The following DTNA variants were observed in gnomAD, a reference collection of about 807,000 sequenced individuals.
DTNA encodes dystrophin-related protein 3.
A neutral mutation model predicts 100.7 loss-of-function variants in DTNA; 43 were observed. That is an observed-to-expected ratio of 0.43 (90% CI 0.33 to 0.55). The LOEUF (loss-of-function observed/expected upper bound fraction) is 0.55, where lower values mean the gene tolerates loss of function less well. Ranked by LOEUF, DTNA falls within the 20% of genes least tolerant of loss-of-function variation. The pLI, the probability that DTNA is intolerant of heterozygous loss-of-function variation, is 0.04. For synonymous variants in DTNA, 349 were observed against 347.9 expected, an observed-to-expected ratio of 1.00 and a Z score of -0.04; for missense variants, 798 against 953.9, an observed-to-expected ratio of 0.84 and a Z score of 2.15.
chr18:34,879,656 T>G lies in DTNA; in HGVS notation c.2099T>G (p.Ile700Ser). The change falls in exon 20 of 23, where the codon ATC (isoleucine) becomes AGC (serine). Residue 700 changes from isoleucine to serine, a missense_variant. By Grantham distance (142) the Ile-to-Ser change is moderately radical (BLOSUM62 -2). Coordinates refer to ENST00000444659, the MANE Select transcript of DTNA (RefSeq NM_001386795.1). Reference protein sequence around the residue: ...PTSEKAFLAQIHARKPGYIHS... With the variant: ...PTSEKAFLAQSHARKPGYIHS... ...TCTGAAAAGGCTTTTCTAGCGCAAA[T>G]CCATGCCCGAAAACCTGGGTACATT... The G allele has an allele frequency of 6.2e-7, 1 of 1,614,078 alleles. No homozygotes were observed. The highest frequency in any genetic ancestry group is 1.1e-5 in the South Asian group (1 of 91,072).
chr18:34,726,212 A>G (rs1237925942), intron 1 of DTNA, among the ~76,000 whole-genome samples: 6 of 152,128 alleles, frequency 3.9e-5, no homozygotes, highest in African/African-American at 1.4e-4. Flanking sequence ...AAACCTGCAC[A>G]TTGTGCACAT....
At chr18:34,849,080 T>G (rs1168524003) in intron 14 of DTNA, among the ~76,000 whole-genome samples, 2 of 152,200 alleles carry the variant, frequency 1.3e-5, no homozygotes, top group Non-Finnish European at 2.9e-5. Flanking sequence ...TCCGTGACTG[T>G]AACACTGTTA....
chr18:34,878,340 G>C (rs2096839455), intron 19 of DTNA, among the ~76,000 whole-genome samples: 1 of 152,056 alleles, frequency 6.6e-6, no homozygotes, highest in Non-Finnish European at 1.5e-5. Context: ...TAGAAAGTTT[G>C]AAAAAGGCAG....
At chr18:34,739,200 C>T (rs2090182756) in intron 1 of DTNA, among the ~76,000 whole-genome samples, 1 of 152,126 alleles carries the variant, frequency 6.6e-6, no homozygotes, top group African/African-American at 2.4e-5. Context: ...TAAAAATAAA[C>T]ACATTTGTCC....
intron 9 of DTNA, among the ~76,000 whole-genome samples, chr18:34,823,000 C>T (rs548264595): frequency 8.9e-4 from 136 of 152,224 alleles, no homozygotes; most frequent in African/African-American, 3.0e-3. Context: ...AAATAACATA[C>T]AAGACATTCT....
At chr18:34,623,449 G>T (rs895816098) in intron 1 of DTNA, among the ~76,000 whole-genome samples, 1 of 152,094 alleles carries the variant, frequency 6.6e-6, no homozygotes, top group Non-Finnish European at 1.5e-5. Flanking sequence ...TTCTTTTCTT[G>T]TTTGTACAAA....
chr18:34,846,040 C>T (rs541278992), intron 13 of DTNA, among the ~76,000 whole-genome samples: 3 of 152,190 alleles, frequency 2.0e-5, no homozygotes, highest in East Asian at 1.9e-4. Flanking sequence ...TTTCATTTCA[C>T]GTATTTGTGT....
chr18:34,888,341 G>A lies in DTNA; in HGVS notation c.*607G>A, dbSNP rs2096940708. The A allele has an allele frequency of 2.6e-5, 26 of 985,636 alleles. No homozygotes were observed. In the South Asian group the frequency reaches 9.9e-4, roughly 37 times the overall value. The allele number at this position is 985,636 out of a possible 1,614,324, so 61.1% of individuals were successfully genotyped here. A position where few individuals can be genotyped will look rare whatever the true frequency, so the allele number is the denominator to read the frequency against. On this transcript the variant is annotated 3_prime_UTR_variant, in exon 23 of 23. Coordinates refer to ENST00000444659, the MANE Select transcript of DTNA (RefSeq NM_001386795.1). ...ACCCTGAAGAATTTGGTTCCTGAGTGTACAAACTCAGAGCCCGGAAGCCAA... is the reference window on the plus strand; with the variant it reads ...ACCCTGAAGAATTTGGTTCCTGAGTATACAAACTCAGAGCCCGGAAGCCAA...
chr18:34,540,546 C>A (rs1318664497), intron 1 of DTNA, among the ~76,000 whole-genome samples: 1 of 151,942 alleles, frequency 6.6e-6, no homozygotes, highest in Non-Finnish European at 1.5e-5. Context: ...TTATTAACAT[C>A]TCTTCAACGT....
At position 34,888,387 on chromosome 18, in the gene DTNA, G is replaced by T. The variant is rs1226081409; in HGVS notation, c.*653G>T. ...GCCAAGAAGGGTCCTTGGCCTGCACGGTCTGTAGTTGACTCCAAGTCTCTG... is the reference window on the plus strand; with the variant it reads ...GCCAAGAAGGGTCCTTGGCCTGCACTGTCTGTAGTTGACTCCAAGTCTCTG... On this transcript the variant is annotated 3_prime_UTR_variant, in exon 23 of 23. Coordinates refer to ENST00000444659, the MANE Select transcript of DTNA (RefSeq NM_001386795.1). The T allele has an allele frequency of 1.0e-6, 1 of 985,580 alleles. No individual in the cohort carries two copies. The highest frequency in any genetic ancestry group is 1.2e-6 in the Non-Finnish European group (1 of 829,924). 61.1% of individuals were successfully genotyped at this position (985,580 alleles called of 1,614,324 possible).
chr18:34,656,846 C>T (rs558118107), intron 1 of DTNA, among the ~76,000 whole-genome samples: 3 of 151,986 alleles, frequency 2.0e-5, no homozygotes, highest in Non-Finnish European at 4.4e-5. Context: ...GTCTATTTTA[C>T]GTAATCTTTT....
intron 1 of DTNA, among the ~76,000 whole-genome samples, chr18:34,501,681 C>T (rs192995763): frequency 1.5e-3 from 221 of 152,190 alleles, no homozygotes; most frequent in African/African-American, 5.0e-3. Context: ...ACATAAAATA[C>T]CACAGACTGG....
intron 3 of DTNA, among the ~76,000 whole-genome samples, chr18:34,786,333 T>C (rs2094506444): frequency 6.6e-6 from 1 of 152,206 alleles, no homozygotes; most frequent in Admixed American, 6.5e-5. Flanking sequence ...TGTAAACTAA[T>C]CAGAAATACT....
At position 34,863,967 on chromosome 18, in the gene DTNA, C is replaced by A. The variant is rs1183043369; in HGVS notation, c.1648C>A (p.Gln550Lys). The change falls in exon 17 of 23, where the codon CAG becomes AAG. Residue 550 changes from glutamine to lysine, a missense_variant and splice_region_variant. By Grantham distance (53) the Gln-to-Lys change is moderately conservative (BLOSUM62 1). This residue lies in a region of DTNA where 26 missense variants were observed against 55.0 expected (regional missense o/e 0.47). Coordinates refer to ENST00000444659, the MANE Select transcript of DTNA (RefSeq NM_001386795.1). ...TLLAELRLLR[Q>K]RKDELEQRMS... Reference sequence around the variant, plus strand: ...TGATGTCAGCTGCTTCTTTCTTAGACAGCGCAAAGATGAGCTGGAACAGAG... The same window carrying A: ...TGATGTCAGCTGCTTCTTTCTTAGAAAGCGCAAAGATGAGCTGGAACAGAG... 6.2e-7 allele frequency: 1 copy of A among 1,608,868 alleles called. No individual in the cohort carries two copies. Among genetic ancestry groups the A allele is most frequent in the Non-Finnish European group, 8.5e-7 (1 of 1,177,372 alleles).
intron 11 of DTNA, among the ~76,000 whole-genome samples, chr18:34,831,638 G>A (rs879522056): frequency 2.0e-5 from 3 of 152,068 alleles, no homozygotes; most frequent in Non-Finnish European, 2.9e-5. Flanking sequence ...CACAGTGGCG[G>A]GTGCCTGTAA....
At chr18:34,706,691 C>T (rs1416496489), upstream of DTNA, among the ~76,000 whole-genome samples, 42 of 152,044 alleles carry the variant, frequency 2.8e-4, no homozygotes, top group Admixed American at 2.8e-3. Flanking sequence ...TATTTATAGC[C>T]CCATTGTTAC....
chr18:34,837,392 A>T (rs1383424573), intron 11 of DTNA, among the ~76,000 whole-genome samples: 7 of 152,218 alleles, frequency 4.6e-5, no homozygotes, highest in African/African-American at 7.2e-5. Context: ...CTTTAATAAA[A>T]CTATATTTTA....
rs1568906915 is a variant in DTNA at position 34,884,708 on chromosome 18, G to A, written c.2296-20G>A. On this transcript the variant is annotated intron_variant, in intron 21 of 22. Coordinates refer to ENST00000444659, the MANE Select transcript of DTNA (RefSeq NM_001386795.1). ...ACTTGACGTGTCACCTTTCTCGTTT[G>A]TGTCCTTTGTCACCCACAGGTCAGC... The A allele has an allele frequency of 6.8e-6, 11 of 1,613,938 alleles. No homozygotes were observed. Among genetic ancestry groups the A allele is most frequent in the Non-Finnish European group, 9.3e-6 (11 of 1,179,964 alleles).
At chr18:34,701,637 T>A (rs2081384669) in intron 1 of DTNA, among the ~76,000 whole-genome samples, 1 of 152,136 alleles carries the variant, frequency 6.6e-6, no homozygotes, top group Non-Finnish European at 1.5e-5. Context: ...TCAAAACTGT[T>A]CCTGGCACAC....
Sources: gnomAD v4.1 joint callset for allele counts (sites outside exome capture counted in the v4.1 genomes callset) on GRCh38, gnomAD v4.1.1 for gene constraint, gnomAD v4.1.1 regional missense constraint, MANE v1.5 for transcripts, NCBI Gene and HGNC (gene_info 2026-07-23, HGNC 2026-07-21) for gene names.